The following NUP210 variants were observed in gnomAD, a reference collection of about 807,000 sequenced individuals.
NUP210 encodes nuclear pore membrane glycoprotein 210.
NUP210 carries 151 observed loss-of-function variants against 196.0 expected under a neutral mutation model. The ratio of observed to expected loss-of-function variants is 0.77; its 90% CI spans 0.67 to 0.88. The LOEUF is 0.88. Among genes scored for constraint, NUP210 ranks in the 40% least tolerant of loss-of-function variants. The pLI is 0.00. For synonymous variants in NUP210, 1,070 were observed against 1,052.7 expected (o/e 1.02, Z -0.32); for missense variants, 2,314 against 2,493.7 (o/e 0.93, Z 1.53).
intron 20 of NUP210, chr3:13,351,613 T>G (rs1697973575): frequency 5.2e-6 from 2 of 384,478 alleles, no homozygotes; most frequent in Non-Finnish European, 4.8e-6. Flanking sequence ...CAGGTTCCTG[T>G]GTAGCTGGGA....
chr3:13,378,945 TGTTGG>T lies in NUP210; in HGVS notation c.1007_1011del (p.Pro336GlnfsTer19). On this transcript the variant is annotated frameshift_variant, in exon 8 of 40. Transcript: ENST00000254508. LOFTEE classifies it high-confidence loss of function. Reference sequence around the variant, plus strand: ...CCAGGTTCGACCACGTAGATAGTGCTGTTGGGTAACCTAGAAGCACCTTGCATGCG... The same window carrying T: ...CCAGGTTCGACCACGTAGATAGTGCTGTAACCTAGAAGCACCTTGCATGCG... 1 of 1,614,184 alleles carries T rather than the reference TGTTGG, an allele frequency of 6.2e-7. No homozygotes were observed. Among genetic ancestry groups the T allele is most frequent in the South Asian group, 1.1e-5 (1 of 91,088 alleles).
At chr3:13,415,050 A>C (rs1454467906) in intron 1 of NUP210, among the ~76,000 whole-genome samples, 1 of 152,210 alleles carries the variant, frequency 6.6e-6, no homozygotes, top group Non-Finnish European at 1.5e-5. Flanking sequence ...ATCCTGGCCA[A>C]CATGGTGAAA....
At position 13,367,441 on chromosome 3, in the gene NUP210, AAAAT is replaced by A. The variant is rs1698579219; in HGVS notation, c.1787-1354_1787-1351del. On this transcript the variant is annotated intron_variant, in intron 13 of 39. Transcript: ENST00000254508. ...CGAGGGAGCAAAACTCAGTTAAAGAAAAATAAATAATATTTAATTCACATGAGTA... is the reference window on the plus strand; with the variant it reads ...CGAGGGAGCAAAACTCAGTTAAAGAAAAATAATATTTAATTCACATGAGTA... Among the ~76,000 whole-genome samples, 6 of 152,340 alleles carry A rather than the reference AAAAT, an allele frequency of 3.9e-5. No individual in the cohort carries two copies. The South Asian group carries it at 1.2e-3, about 32-fold the overall frequency.
rs1559300195 is a variant in NUP210, at chr3:13,317,226, AG to A, written c.*454del. 1 of 175,180 alleles carries A rather than the reference AG, an allele frequency of 5.7e-6. No individual in the cohort carries two copies. The highest frequency in any genetic ancestry group is 5.6e-5 in the Admixed American group (1 of 17,998). 10.9% of individuals were successfully genotyped at this position (175,180 alleles called of 1,614,324 possible). On this transcript the variant is annotated 3_prime_UTR_variant, in exon 40 of 40. Transcript: ENST00000254508. ...GACTAGGGGCAAAGTAAGTTTTCAC[AG>A]GGGGAAAAACCCCACCAAAAACCCC...
chr3:13,413,735 G>C (rs1191400015), intron 1 of NUP210, among the ~76,000 whole-genome samples: 2 of 152,150 alleles, frequency 1.3e-5, no homozygotes, highest in African/African-American at 4.8e-5. Flanking sequence ...GTGTCCATTT[G>C]GGAAGATGAA....
At chr3:13,337,243 T>C (rs558639240) in intron 26 of NUP210, among the ~76,000 whole-genome samples, 2 of 152,306 alleles carry the variant, frequency 1.3e-5, no homozygotes, top group South Asian at 4.1e-4. Context: ...TGCTGGTTCC[T>C]CCGGGCCCCT....
chr3:13,413,853 T>C (rs958644823), intron 1 of NUP210, among the ~76,000 whole-genome samples: 1 of 152,252 alleles, frequency 6.6e-6, no homozygotes, highest in Non-Finnish European at 1.5e-5. Flanking sequence ...TTATATGTTA[T>C]ATATATTTTA....
intron 1 of NUP210, among the ~76,000 whole-genome samples, chr3:13,414,518 C>A (rs1459331439): frequency 6.6e-6 from 1 of 151,996 alleles, no homozygotes; most frequent in Non-Finnish European, 1.5e-5. Context: ...CTGCCCACAT[C>A]TGACCTGGCA....
rs1049799148 is a variant in NUP210 at position 13,323,004 on chromosome 3, T to C, written c.4768+305A>G. Among the ~76,000 whole-genome samples, 1 of 152,182 alleles carries C rather than the reference T, an allele frequency of 6.6e-6. No individual in the cohort carries two copies. Among genetic ancestry groups the C allele is most frequent in the African/African-American group, 2.4e-5 (1 of 41,448 alleles). The stretch of plus-strand genomic sequence containing the variant: ...CCTGCTAATTCATTAGTTTCTGGGA[T>C]TCACGGTGGGAAATTGTGGCTTTCT... On this transcript the variant is annotated intron_variant, in intron 34 of 39. Transcript: ENST00000254508. The surrounding 1 kb of genome is among the most constrained non-coding windows in gnomAD (Gnocchi z 4.3).
intron 25 of NUP210, among the ~76,000 whole-genome samples, chr3:13,338,712 G>A (rs370295914): frequency 1.3e-5 from 2 of 152,172 alleles, no homozygotes; most frequent in East Asian, 1.9e-4. Flanking sequence ...ACAAGGCGCC[G>A]CAGGTGAAAC....
In NUP210 at chr3:13,383,516, C is replaced by CTTTTTTT. The variant is rs3032854; in HGVS notation, c.817+2752_817+2758dup. ...TACCTGAGCTAATTTAGAGTGAGCTCTTTTTTTTTTTTTTTTTTTTTTTTG... is the reference window on the plus strand; with the variant it reads ...TACCTGAGCTAATTTAGAGTGAGCTCTTTTTTTTTTTTTTTTTTTTTTTTTTTTTTTG... On this transcript the variant is annotated intron_variant, in intron 6 of 39. Coordinates refer to ENST00000254508, the MANE Select transcript of NUP210 (RefSeq NM_024923.4). Among the ~76,000 whole-genome samples, 97 of 70,942 alleles carry CTTTTTTT rather than the reference C, an allele frequency of 1.4e-3. 10 individuals carry two copies. The highest frequency in any genetic ancestry group is 1.9e-3 in the Non-Finnish European group (76 of 39,842). 46.5% of individuals were successfully genotyped at this position (70,942 alleles called of 152,430 possible).
intron 1 of NUP210, among the ~76,000 whole-genome samples, chr3:13,410,792 C>T (rs987957408): frequency 3.3e-5 from 5 of 151,056 alleles, no homozygotes; most frequent in Non-Finnish European, 7.4e-5. Context: ...GTGGCAGACG[C>T]CTGTAGTCCC....
intron 29 of NUP210, among the ~76,000 whole-genome samples, chr3:13,331,878 C>G (rs1697010484): frequency 6.6e-6 from 1 of 152,112 alleles, no homozygotes; most frequent in Non-Finnish European, 1.5e-5. Context: ...GGGGATCTCC[C>G]TAGGGTGCAG....
chr3:13,319,730 G>C (rs1696432094), intron 37 of NUP210, 33 bp downstream of exon 37: 1 of 1,590,316 alleles, frequency 6.3e-7, no homozygotes. Context: ...CCCCATCCTG[G>C]TCTGTCCCAG....
At chr3:13,403,044 C>A (rs1373030236) in intron 1 of NUP210, among the ~76,000 whole-genome samples, 1 of 152,228 alleles carries the variant, frequency 6.6e-6, no homozygotes, top group Non-Finnish European at 1.5e-5. Flanking sequence ...GTCCCCTGCA[C>A]TCTGCCTATT....
chr3:13,342,571 G>A (rs1697555997), intron 21 of NUP210, among the ~76,000 whole-genome samples: 1 of 152,196 alleles, frequency 6.6e-6, no homozygotes, highest in East Asian at 1.9e-4. Context: ...GCTGGGTACA[G>A]CATATTAGCT....
chr3:13,345,321 C>T (rs1411739491), intron 20 of NUP210: 1 of 718,420 alleles, frequency 1.4e-6, no homozygotes, highest in African/African-American at 1.9e-5. Context: ...TTAACTGAGG[C>T]CCAGATGATG....
chr3:13,330,700 C>G, intron 29 of NUP210, 66 bp from the exon 30 acceptor site: 1 of 1,464,550 alleles, frequency 6.8e-7, no homozygotes, highest in Non-Finnish European at 9.4e-7. Flanking sequence ...GGATACAATG[C>G]CAGGAGATCT....
At position 13,379,486 on chromosome 3, in the gene NUP210, T is replaced by G. The variant is rs986890594; in HGVS notation, c.976+77A>C. 3.8e-6 allele frequency: 6 copies of G among 1,576,754 alleles called. No individual in the cohort carries two copies. Among genetic ancestry groups the G allele is most frequent in the Non-Finnish European group, 5.2e-6 (6 of 1,150,644 alleles). On this transcript the variant is annotated intron_variant, in intron 7 of 39. Transcript: ENST00000254508. This position sits in a 1 kb window ranked among gnomAD's most constrained non-coding sequence, Gnocchi z 4.2. Reference sequence around the variant, plus strand: ...CGGCTATTTTTAGCCCTGCCGAGCTTTCAGGGAAAAAAAGACTTGACTTCC... The same window carrying G: ...CGGCTATTTTTAGCCCTGCCGAGCTGTCAGGGAAAAAAAGACTTGACTTCC...
Sources: gnomAD v4.1 joint callset for allele counts (sites outside exome capture counted in the v4.1 genomes callset) on GRCh38, gnomAD v4.1.1 for gene constraint, Gnocchi (gnomAD v3.1) non-coding constraint, MANE v1.5 for transcripts, NCBI Gene and HGNC (gene_info 2026-07-23, HGNC 2026-07-21) for gene names.